ZNF528: variants seen among roughly 807,000 people sequenced by gnomAD.
ZNF528 encodes the protein zinc finger protein 528.
A neutral mutation model predicts 13.3 loss-of-function variants in ZNF528; 9 were observed. That is an observed-to-expected ratio of 0.67 (90% CI 0.41 to 1.18). The LOEUF (loss-of-function observed/expected upper bound fraction) is 1.18. Among genes scored for constraint, ZNF528 ranks in the 50% most tolerant of loss-of-function variants. The pLI is 0.01. For synonymous variants in ZNF528, 264 were observed against 254.3 expected (o/e 1.04, Z -0.36); for missense variants, 858 against 745.4 (o/e 1.15, Z -1.76).
Position 52,417,932 on chromosome 19 carries a change from A to G in ZNF528, c.*1193A>G, listed in dbSNP as rs1272818159. ...TGCCCAGCCTCATTTTTGAAATGGA[A>G]TAGAGAACAGTTATATCACAGTTGA... On this transcript the variant is annotated 3_prime_UTR_variant, in exon 7 of 7. Coordinates refer to ENST00000360465, the MANE Select transcript of ZNF528 (RefSeq NM_032423.3). 6.6e-6 allele frequency: 1 copy of G among 151,864 alleles called. No individual in the cohort carries two copies. The highest frequency in any genetic ancestry group is 2.4e-5 in the African/African-American group (1 of 41,328). The allele number at this position is 151,864 out of a possible 1,614,324, so 9.4% of individuals were successfully genotyped here.
At chr19:52,409,611 G>T (rs12608701) in intron 6 of ZNF528, among the ~76,000 whole-genome samples, 97,002 of 151,932 alleles carry the variant, frequency 0.64, 33,171 homozygotes, top group Non-Finnish European at 0.79. Context: ...GGAGATTTGG[G>T]TTTTTTTGTT....
At chr19:52,399,096 G>C (rs2058761734) in intron 2 of ZNF528, among the ~76,000 whole-genome samples, 2 of 151,698 alleles carry the variant, frequency 1.3e-5, no homozygotes, top group African/African-American at 2.4e-5. Flanking sequence ...AGGGAAGAAT[G>C]GGACAAAGAG....
chr19:52,407,108 C>G (rs2058866858), intron 6 of ZNF528, among the ~76,000 whole-genome samples: 1 of 150,254 alleles, frequency 6.7e-6, no homozygotes, highest in East Asian at 2.0e-4. Flanking sequence ...CGATGCCTGG[C>G]TAATTTTTGG....
chr19:52,406,371 TA>T, intron 5 of ZNF528, 143 bp from the exon 6 acceptor site: 1 of 1,271,810 alleles, frequency 7.9e-7, no homozygotes, highest in Non-Finnish European at 1.1e-6. Flanking sequence ...CAATGTTCCC[TA>T]AGCATTCAGA....
intron 4 of ZNF528, chr19:52,402,409 C>CTT (rs1005929192): frequency 2.4e-4 from 55 of 225,242 alleles, no homozygotes; most frequent in Middle Eastern, 1.6e-3. Flanking sequence ...TTTCTTCTTT[C>CTT]TTTTTTTTTT....
intron 4 of ZNF528, chr19:52,402,330 T>C (rs1323768558): frequency 1.5e-5 from 8 of 545,980 alleles, no homozygotes; most frequent in South Asian, 2.3e-5. Flanking sequence ...TGTTCAGGGA[T>C]CACATCTGGA....
intron 3 of ZNF528, 92 bp downstream of exon 3, chr19:52,401,845 T>G: frequency 6.5e-7 from 1 of 1,529,894 alleles, no homozygotes; most frequent in South Asian, 1.2e-5. Context: ...AGTCAAAGTT[T>G]GAGGATTACC....
At position 52,405,963 on chromosome 19, in the gene ZNF528, C is replaced by T. The variant is rs556032800; in HGVS notation, c.72C>T (p.Cys24=). 13 of 1,612,208 alleles carry T rather than the reference C, an allele frequency of 8.1e-6. No individual in the cohort carries two copies. The East Asian group carries it at 8.9e-5, about 11-fold the overall frequency. Residue 24 remains cysteine, a synonymous_variant, in exon 5 of 7, where the codon TGC becomes TGT. Coordinates refer to ENST00000360465, the MANE Select transcript of ZNF528 (RefSeq NM_032423.3). ...AGTTCTCTCAGGAAGAGTGGAAATG[C>T]CTGGACCCTGCGCAGAGGACTTTAT... The part of the protein sequence containing the change: ...AIEFSQEEWK[C]LDPAQRTLYR...
Position 52,416,480 on chromosome 19 carries a change from A to G in ZNF528, c.1628A>G (p.His543Arg), listed in dbSNP as rs754692954. The G allele has an allele frequency of 1.2e-6, 2 of 1,614,066 alleles. No homozygotes were observed. Among genetic ancestry groups the G allele is most frequent in the African/African-American group, 2.7e-5 (2 of 74,936 alleles). The stretch of plus-strand genomic sequence containing the variant: ...TACCTTACAAGACATCAAATAATTC[A>G]TACTGGAGAGAGGCCTTACAGATGT... The part of the protein sequence containing the change: ...ASYLTRHQII[H>R]TGERPYRCSK... Residue 543 changes from histidine to arginine, a missense_variant, in exon 7 of 7, where the codon CAT becomes CGT. Transcript: ENST00000360465.
chr19:52,410,881 C>T (rs752638302), intron 6 of ZNF528, among the ~76,000 whole-genome samples: 3 of 152,106 alleles, frequency 2.0e-5, no homozygotes, highest in Non-Finnish European at 2.9e-5. Context: ...TAGCATAGGG[C>T]GTAGCCAATT....
Position 52,415,142 on chromosome 19 carries a change from G to A in ZNF528, c.290G>A (p.Gly97Glu). ...GTTTTAGAGAGGAGCTCTAAATTGG[G>A]AAGTAATGCAGGAAACAAGCCTTGT... ...GVNTERSSKL[G>E]SNAGNKPCKN... is the part of the protein sequence containing the mutation. Residue 97 changes from glycine (G) to glutamate (E), a missense_variant, in exon 7 of 7, where the codon GGA becomes GAA. Coordinates refer to ENST00000360465, the MANE Select transcript of ZNF528 (RefSeq NM_032423.3). The A allele has an allele frequency of 6.2e-7, 1 of 1,608,752 alleles. No individual in the cohort carries two copies. Among genetic ancestry groups the A allele is most frequent in the Non-Finnish European group, 8.5e-7 (1 of 1,177,090 alleles).
intron 4 of ZNF528, among the ~76,000 whole-genome samples, chr19:52,403,013 T>C (rs1025192394): frequency 2.6e-5 from 4 of 152,160 alleles, no homozygotes; most frequent in Admixed American, 6.5e-5. Flanking sequence ...TTTAAAAATA[T>C]TATGTTTTTG....
At position 52,416,248 on chromosome 19, in the gene ZNF528, G is replaced by C. The variant is rs1334034062; in HGVS notation, c.1396G>C (p.Glu466Gln). The C allele has an allele frequency of 6.2e-7, 1 of 1,613,442 alleles. No individual in the cohort carries two copies. Among genetic ancestry groups the C allele is most frequent in the Admixed American group, 1.7e-5 (1 of 59,950 alleles). Residue 466 changes from glutamate to glutamine, a missense_variant, in exon 7 of 7, where the codon GAA becomes CAA. Physicochemically the swap from Glu to Gln is conservative, Grantham distance 29. Coordinates refer to ENST00000360465, the MANE Select transcript of ZNF528 (RefSeq NM_032423.3). ...FLIHSGEKPY[E>Q]CKECGKVFRY... ...AATCCATAGTGGAGAGAAACCTTATGAATGTAAAGAATGTGGCAAAGTCTT... is the reference window on the plus strand; with the variant it reads ...AATCCATAGTGGAGAGAAACCTTATCAATGTAAAGAATGTGGCAAAGTCTT...
chr19:52,412,450 C>T (rs1023628976), intron 6 of ZNF528: 3 of 152,188 alleles, frequency 2.0e-5, no homozygotes, highest in African/African-American at 7.2e-5. Context: ...TGTTATTTCT[C>T]TTGACTGGGA....
In ZNF528 at chr19:52,409,323, G is replaced by C. The variant is rs192489569; in HGVS notation, c.271+2680G>C. 3.6e-4 allele frequency among the ~76,000 whole-genome samples: 54 copies of C among 150,274 alleles called. No homozygotes were observed. The East Asian group carries it at 1.0e-2, about 28-fold the overall frequency. On this transcript the variant is annotated intron_variant, in intron 6 of 6. Transcript: ENST00000360465. ...ATCTCTTTTTTTTTTTTTTGAGACGGAGTTTCACTCTTGTTGCCCAGGCTG... is the reference window on the plus strand; with the variant it reads ...ATCTCTTTTTTTTTTTTTTGAGACGCAGTTTCACTCTTGTTGCCCAGGCTG...
Position 52,416,292 on chromosome 19 carries a change from A to G in ZNF528, c.1440A>G (p.Leu480=). The part of the protein sequence containing the change: ...CGKVFRYKSS[L]TSHHRIHTGE... ...AAGTCTTCAGGTACAAGTCTTCTCT[A>G]ACCAGTCATCATAGAATTCATACTG... is the stretch of plus-strand genomic sequence containing the variant. The change falls in exon 7 of 7, where the codon CTA becomes CTG. Residue 480 remains leucine (L), a synonymous_variant. Coordinates refer to ENST00000360465, the MANE Select transcript of ZNF528 (RefSeq NM_032423.3). 1 of 1,613,764 alleles carries G rather than the reference A, an allele frequency of 6.2e-7. No homozygotes were observed.
At position 52,414,467 on chromosome 19, in the gene ZNF528, CAG is replaced by C. The variant is rs1222077343; in HGVS notation, c.272-656_272-655del. ...TTTTATTGGGTAAAGGAGATGGTGG[CAG>C]GGGGAGGGGGTGGTTATTGGTCAGC... On this transcript the variant is annotated intron_variant, in intron 6 of 6. Transcript: ENST00000360465. 13 of 593,502 alleles carry C rather than the reference CAG, an allele frequency of 2.2e-5. No homozygotes were observed. In the Admixed American group the frequency reaches 2.3e-4, roughly 11 times the overall value. The allele number at this position is 593,502 out of a possible 1,614,324, so 36.8% of individuals were successfully genotyped here.
At chr19:52,403,194 A>G (rs1489076508) in intron 4 of ZNF528, among the ~76,000 whole-genome samples, 1 of 152,218 alleles carries the variant, frequency 6.6e-6, no homozygotes, top group Non-Finnish European at 1.5e-5. Flanking sequence ...ACAGGTAGGC[A>G]CAATGGTGCA....
At chr19:52,411,499 C>G (rs560221950) in intron 6 of ZNF528, 2 of 152,122 alleles carry the variant, frequency 1.3e-5, no homozygotes, top group African/African-American at 2.4e-5. Context: ...ATAACAAATA[C>G]CAGTGAATTT....
Sources: allele counts gnomAD v4.1 joint callset (sites outside exome capture counted in the v4.1 genomes callset), GRCh38; gene constraint gnomAD v4.1.1; transcripts MANE v1.5; gene names NCBI Gene and HGNC (gene_info 2026-07-23, HGNC 2026-07-21).